The following OTOGL variants were observed in gnomAD, a reference collection of about 807,000 sequenced individuals.
OTOGL encodes the protein otogelin-like protein.
In OTOGL, 285 loss-of-function variants were observed where a neutral mutation model predicts 318.5. The ratio of observed to expected loss-of-function variants is 0.89; its 90% CI spans 0.81 to 0.99. The LOEUF (loss-of-function observed/expected upper bound fraction) is 0.99, where lower values mean the gene tolerates loss of function less well. OTOGL is among the 50% of genes least tolerant of loss of function. OTOGL has a pLI of 0.00. For synonymous variants in OTOGL, 987 were observed against 936.5 expected, an observed-to-expected ratio of 1.05 and a Z score of -0.99; for missense variants, 2,899 against 2,845.6, an observed-to-expected ratio of 1.02 and a Z score of -0.43.
chr12:80,256,448 T>G lies in OTOGL; in HGVS notation c.1699T>G (p.Phe567Val). ...AATTCTCACTAGTCCTAACCAAGGCTTCAACCTGAATGGTAAGAAACAGTG... is the reference window on the plus strand; with the variant it reads ...AATTCTCACTAGTCCTAACCAAGGCGTCAACCTGAATGGTAAGAAACAGTG... ...GQILTSPNQG[F>V]NLNGIVEIQT... is the part of the protein sequence containing the mutation. Residue 567 changes from phenylalanine to valine, a missense_variant, in exon 17 of 59, where the codon TTC becomes GTC. Coordinates refer to ENST00000547103, the MANE Select transcript of OTOGL (RefSeq NM_001378609.3). 1 of 1,581,936 alleles carries G rather than the reference T, an allele frequency of 6.3e-7. No homozygotes were observed. The highest frequency in any genetic ancestry group is 1.1e-5 in the South Asian group (1 of 88,238).
intron 11 of OTOGL, among the ~76,000 whole-genome samples, chr12:80,247,209 T>C (rs1375556633): frequency 3.4e-5 from 5 of 149,010 alleles, no homozygotes; most frequent in Admixed American, 3.3e-4. Context: ...CTGTTAGCTT[T>C]TGAATGTGTT....
At chr12:80,131,834 C>G (rs1171463554) in intron 1 of OTOGL, 1 of 152,130 alleles carries the variant, frequency 6.6e-6, no homozygotes, top group Non-Finnish European at 1.5e-5. Flanking sequence ...AGTTTAGTAA[C>G]TTTCCTGAAG....
At chr12:80,202,518 C>T (rs1329034662) in intron 1 of OTOGL, among the ~76,000 whole-genome samples, 1 of 152,178 alleles carries the variant, frequency 6.6e-6, no homozygotes, top group African/African-American at 2.4e-5. Flanking sequence ...GGTGATCCGC[C>T]TGCCTTGGCC....
At chr12:80,135,399 A>G (rs1301680765) in intron 1 of OTOGL, among the ~76,000 whole-genome samples, 1 of 151,346 alleles carries the variant, frequency 6.6e-6, no homozygotes, top group Non-Finnish European at 1.5e-5. Context: ...CAGCCTCCTG[A>G]GTAGCTGGGA....
rs1886058223 is a variant in OTOGL at position 80,305,652 on chromosome 12, T to C, written c.3290T>C (p.Val1097Ala). 1 of 1,582,686 alleles carries C rather than the reference T, an allele frequency of 6.3e-7. No homozygotes were observed. Among genetic ancestry groups the C allele is most frequent in the East Asian group, 2.3e-5 (1 of 44,170 alleles). Residue 1097 changes from valine to alanine, a missense_variant, in exon 29 of 59, where the codon GTG becomes GCG. Val to Ala is a moderately conservative substitution (Grantham distance 64). Around this residue, in one of 3 missense-constraint regions of OTOGL, gnomAD observed 2,607 missense variants for 2,524.9 expected, o/e 1.03. Coordinates refer to ENST00000547103, the MANE Select transcript of OTOGL (RefSeq NM_001378609.3). Reference sequence around the variant, plus strand: ...ATGACCACATCTAATAACTTGGAAGTGAGAAATGCTCGGGTATTTGGAGAT... The same window carrying C: ...ATGACCACATCTAATAACTTGGAAGCGAGAAATGCTCGGGTATTTGGAGAT... ...NDMTTSNNLEVRNARVFGDSW... is the reference protein window; with the variant it reads ...NDMTTSNNLEARNARVFGDSW...
At position 80,296,926 on chromosome 12, in the gene OTOGL, A is replaced by G. The variant is rs1885441830; in HGVS notation, c.3028A>G (p.Thr1010Ala). The change falls in exon 27 of 59, where the codon ACT becomes GCT. Residue 1010 changes from threonine (T) to alanine (A), a missense_variant. By Grantham distance (58) the Thr-to-Ala change is moderately conservative. Around this residue, in one of 3 missense-constraint regions of OTOGL, gnomAD observed 2,607 missense variants for 2,524.9 expected, o/e 1.03. Coordinates refer to ENST00000547103, the MANE Select transcript of OTOGL (RefSeq NM_001378609.3). Reference protein sequence around the residue: ...SKSVLISVGDTEIYLNDTPYK... With the variant: ...SKSVLISVGDAEIYLNDTPYK... ...AAGTGTTTTGATTTCAGTTGGGGAC[A>G]CTGAAATTTACCTGAATGATACTCC... 6.4e-7 allele frequency: 1 copy of G among 1,551,946 alleles called. No homozygotes were observed. Among genetic ancestry groups the G allele is most frequent in the Non-Finnish European group, 8.7e-7 (1 of 1,151,514 alleles).
intron 1 of OTOGL, among the ~76,000 whole-genome samples, chr12:80,118,430 C>T (rs550189985): frequency 5.9e-5 from 9 of 152,204 alleles, no homozygotes; most frequent in East Asian, 5.8e-4. Flanking sequence ...AGGAGTGTAA[C>T]GTTTTCTTCC....
intron 34 of OTOGL, among the ~76,000 whole-genome samples, chr12:80,322,511 A>T (rs1447537812): frequency 1.3e-5 from 2 of 152,202 alleles, no homozygotes; most frequent in Non-Finnish European, 2.9e-5. Context: ...GCAATTACTT[A>T]AGTCTTTAGA....
chr12:80,265,306 A>G, intron 20 of OTOGL, 96 bp downstream of exon 20: 3 of 1,175,176 alleles, frequency 2.6e-6, no homozygotes, highest in Non-Finnish European at 3.6e-6. Context: ...AAATGTCAAT[A>G]TTGCATGTAA....
chr12:80,361,144 C>G (rs568990922), intron 52 of OTOGL: 10 of 152,208 alleles, frequency 6.6e-5, no homozygotes, highest in Non-Finnish European at 1.0e-4. Context: ...CCTGCTCCCC[C>G]ACCCTCAGCC....
chr12:80,150,436 A>C lies in OTOGL; in HGVS notation c.-20+50831A>C, dbSNP rs559861285. Among the ~76,000 whole-genome samples the C allele has an allele frequency of 3.0e-4, 45 of 152,364 alleles. No homozygotes were observed. In the East Asian group the frequency reaches 6.9e-3, roughly 23 times the overall value. Reference sequence around the variant, plus strand: ...GGAAACTCCAGAGAGTTACCCCAGTAGTCTGGGAGATCAAAGGGGAATGTT... The same window carrying C: ...GGAAACTCCAGAGAGTTACCCCAGTCGTCTGGGAGATCAAAGGGGAATGTT... On this transcript the variant is annotated intron_variant, in intron 1 of 58. Transcript: ENST00000547103.
chr12:80,328,608 T>A lies in OTOGL; in HGVS notation c.4200-57T>A, dbSNP rs942016305. On this transcript the variant is annotated intron_variant, in intron 35 of 58. Coordinates refer to ENST00000547103, the MANE Select transcript of OTOGL (RefSeq NM_001378609.3). ...GTCGCATATGTTAAATGTAGTCCTT[T>A]TTTTTTTGTATTTCAAACTTTTCTT... The A allele has an allele frequency of 1.9e-4, 246 of 1,322,568 alleles. 2 individuals carry two copies. In the African/African-American group the frequency reaches 3.1e-3, roughly 17 times the overall value. 81.9% of individuals were successfully genotyped at this position (1,322,568 alleles called of 1,614,324 possible).
At chr12:80,251,989 AT>A in intron 12 of OTOGL, 86 bp from the exon 13 acceptor site, 2 of 1,370,298 alleles carry the variant, frequency 1.5e-6, no homozygotes, top group Non-Finnish European at 1.9e-6. Context: ...TTTGCAAATT[AT>A]TTTTTGTAAA....
At position 80,152,672 on chromosome 12, in the gene OTOGL, C is replaced by T. The variant is rs569774088; in HGVS notation, c.-20+53067C>T. On this transcript the variant is annotated intron_variant, in intron 1 of 58. Coordinates refer to ENST00000547103, the MANE Select transcript of OTOGL (RefSeq NM_001378609.3). ...GTTGCAAAAATCCAACCTTTGTCATCAATTTTTAAATTTTATTTATTTATT... is the reference window on the plus strand; with the variant it reads ...GTTGCAAAAATCCAACCTTTGTCATTAATTTTTAAATTTTATTTATTTATT... Among the ~76,000 whole-genome samples, 8 of 152,224 alleles carry T rather than the reference C, an allele frequency of 5.3e-5. No homozygotes were observed. In the South Asian group the frequency reaches 1.5e-3, roughly 28 times the overall value.
chr12:80,187,356 C>T (rs191304005), intron 1 of OTOGL, among the ~76,000 whole-genome samples: 2 of 152,082 alleles, frequency 1.3e-5, no homozygotes, highest in Admixed American at 6.5e-5. Context: ...GCAGACCCTG[C>T]TGGGGCCAAT....
chr12:80,209,316 T>C (rs1021789101), intron 1 of OTOGL, 97 bp from the exon 2 acceptor site: 2 of 592,392 alleles, frequency 3.4e-6, no homozygotes. Context: ...AATTACTTTA[T>C]TACATAGCTA....
rs1442927797 is a variant in OTOGL at position 80,371,891 on chromosome 12, A to G, written c.6736-128A>G. The G allele has an allele frequency of 3.6e-5, 15 of 420,780 alleles. No individual in the cohort carries two copies. The East Asian group carries it at 4.8e-4, about 14-fold the overall frequency. The allele number at this position is 420,780 out of a possible 1,614,324, so 26.1% of individuals were successfully genotyped here. Reference sequence around the variant, plus strand: ...TCTTTTTAGTAATAGTTAAATTCCAACTATTTTTCTATGAAGGCTTTGTGG... The same window carrying G: ...TCTTTTTAGTAATAGTTAAATTCCAGCTATTTTTCTATGAAGGCTTTGTGG... On this transcript the variant is annotated intron_variant, in intron 56 of 58. Transcript: ENST00000547103.
In OTOGL at chr12:80,134,632, G is replaced by C. The variant is rs544418205; in HGVS notation, c.-20+35027G>C. 3.9e-5 allele frequency among the ~76,000 whole-genome samples: 6 copies of C among 152,110 alleles called. 1 individual carries two copies. In the South Asian group the frequency reaches 1.2e-3, roughly 32 times the overall value. ...TGCCACATAAGACTCCTATTCCCTG[G>C]GTCTTCATATCATTATTGGCAGCAG... On this transcript the variant is annotated intron_variant, in intron 1 of 58. Transcript: ENST00000547103.
intron 1 of OTOGL, among the ~76,000 whole-genome samples, chr12:80,181,406 T>C (rs745497726): frequency 2.0e-5 from 3 of 152,036 alleles, no homozygotes; most frequent in Non-Finnish European, 4.4e-5. Context: ...GGTTATTGAA[T>C]ATACTTTGGT....
Sources: allele counts gnomAD v4.1 joint callset (sites outside exome capture counted in the v4.1 genomes callset), GRCh38; gene constraint gnomAD v4.1.1; regional missense constraint gnomAD v4.1.1; transcripts MANE v1.5; gene names NCBI Gene and HGNC (gene_info 2026-07-23, HGNC 2026-07-21).